Variants in RB1CC1 observed in about 807,000 individuals in gnomAD.
The protein encoded by RB1CC1 is RB1-inducible coiled-coil protein 1.
RB1CC1 carries 46 observed loss-of-function variants against 177.5 expected under a neutral mutation model. The ratio of observed to expected loss-of-function variants is 0.26; its 90% CI spans 0.20 to 0.33. RB1CC1 has a LOEUF of 0.33. Ranked by LOEUF, RB1CC1 falls within the 10% of genes least tolerant of loss-of-function variation. RB1CC1 has a pLI of 1.00. For synonymous variants in RB1CC1, 666 were observed against 613.6 expected (o/e 1.09, Z -1.26); for missense variants, 1,703 against 1,816.3 (o/e 0.94, Z 1.13).
intron 8 of RB1CC1, among the ~76,000 whole-genome samples, chr8:52,665,533 A>C (rs572183033): frequency 6.6e-6 from 1 of 152,362 alleles, no homozygotes; most frequent in African/African-American, 2.4e-5. Context: ...ATATGGAAAA[A>C]CTGAAACAAA....
intron 1 of RB1CC1, among the ~76,000 whole-genome samples, chr8:52,711,828 T>C (rs951428509): frequency 6.6e-5 from 10 of 152,228 alleles, no homozygotes; most frequent in African/African-American, 1.9e-4. Flanking sequence ...TTTTTCTTGG[T>C]ATATGCCATG....
intron 1 of RB1CC1, among the ~76,000 whole-genome samples, chr8:52,692,678 T>C (rs1854993153): frequency 2.0e-5 from 3 of 152,156 alleles, no homozygotes; most frequent in Admixed American, 1.3e-4. Flanking sequence ...TAAGACTACA[T>C]GTAGTAAGCA....
chr8:52,640,650 T>C (rs932007717), intron 18 of RB1CC1, among the ~76,000 whole-genome samples: 4 of 152,208 alleles, frequency 2.6e-5, no homozygotes, highest in Non-Finnish European at 4.4e-5. Context: ...AAGTTGGATA[T>C]ATTTTTTTAA....
intron 1 of RB1CC1, among the ~76,000 whole-genome samples, chr8:52,710,904 T>C (rs1857008917): frequency 6.6e-6 from 1 of 152,160 alleles, no homozygotes; most frequent in South Asian, 2.1e-4. Context: ...TATAATATGG[T>C]ATTGAATTAA....
chr8:52,666,255 G>A (rs959082450), intron 8 of RB1CC1, among the ~76,000 whole-genome samples: 6 of 152,006 alleles, frequency 3.9e-5, no homozygotes, highest in South Asian at 4.1e-4. Context: ...GCTGGGCGCC[G>A]TGGCTCACAC....
In RB1CC1 at chr8:52,657,457, T is replaced by C; in HGVS notation, c.2372A>G (p.His791Arg). 1 of 1,613,758 alleles carries C rather than the reference T, an allele frequency of 6.2e-7. No homozygotes were observed. ...NVCGKEDFGD[H>R]TSLNVQLERC... The stretch of plus-strand genomic sequence containing the variant: ...TTCCAACTGGACATTCAGAGAAGTA[T>C]GATCTCCAAAATCCTCCTTACCACA... The change falls in exon 15 of 24, where the codon CAT becomes CGT. Residue 791 changes from histidine to arginine, a missense_variant. This residue lies in a region of RB1CC1 where 1,169 missense variants were observed against 1,184.7 expected (regional missense o/e 0.99). Transcript: ENST00000025008.
At chr8:52,646,968 G>A (rs1036562169) in intron 15 of RB1CC1, among the ~76,000 whole-genome samples, 1 of 152,052 alleles carries the variant, frequency 6.6e-6, no homozygotes, top group East Asian at 1.9e-4. Flanking sequence ...TCAATTTTTA[G>A]GCTTAAATGT....
chr8:52,628,026 A>G lies in RB1CC1; in HGVS notation c.4636+6T>C, dbSNP rs1486255837. ...GTTTATATTTTAGTCATGGAATGACACTTACCACCCTCACCTGGTTTGAGA... is the reference window on the plus strand; with the variant it reads ...GTTTATATTTTAGTCATGGAATGACGCTTACCACCCTCACCTGGTTTGAGA... On this transcript the variant is annotated splice_donor_region_variant and intron_variant, in intron 22 of 23. Coordinates refer to ENST00000025008, the MANE Select transcript of RB1CC1 (RefSeq NM_014781.5). 6.3e-7 allele frequency: 1 copy of G among 1,576,144 alleles called. No homozygotes were observed.
chr8:52,664,844 G>A (rs1419850253), intron 8 of RB1CC1, among the ~76,000 whole-genome samples: 1 of 152,052 alleles, frequency 6.6e-6, no homozygotes, highest in African/African-American at 2.4e-5. Flanking sequence ...TAGACTTGAG[G>A]GCAATATCAG....
In RB1CC1 at chr8:52,683,908, C is replaced by T. The variant is rs1475214777; in HGVS notation, c.177G>A (p.Val59=). 3 of 1,614,120 alleles carry T rather than the reference C, an allele frequency of 1.9e-6. No homozygotes were observed. Among genetic ancestry groups the T allele is most frequent in the Non-Finnish European group, 2.5e-6 (3 of 1,180,034 alleles). Residue 59 remains valine, a synonymous_variant, in exon 4 of 24, where the codon GTG becomes GTA. Coordinates refer to ENST00000025008, the MANE Select transcript of RB1CC1 (RefSeq NM_014781.5). ...GGECMAADRR[V]CTYSAGTDTN... is the part of the protein sequence containing the mutation. ...CTACCGTCCCAGCACTGTAGGTACA[C>T]ACTCTTCGATCTGCAGCCATGCATT... is the stretch of plus-strand genomic sequence containing the variant.
At chr8:52,703,826 C>T (rs143911857) in intron 1 of RB1CC1, among the ~76,000 whole-genome samples, 11 of 152,170 alleles carry the variant, frequency 7.2e-5, no homozygotes, top group Non-Finnish European at 1.2e-4. Context: ...TACCTAGAGA[C>T]AGTAAACAGT....
intron 16 of RB1CC1, among the ~76,000 whole-genome samples, chr8:52,643,717 AAATTTACTTAC>A (rs1214389547): frequency 4.6e-5 from 7 of 151,334 alleles, no homozygotes; most frequent in African/African-American, 1.5e-4. Context: ...AAAAAAAAAA[AAATTTACTTAC>A]AAGATTTTTG....
At position 52,645,765 on chromosome 8, in the gene RB1CC1, C is replaced by T; in HGVS notation, c.3924G>A (p.Glu1308=). The T allele has an allele frequency of 1.2e-6, 2 of 1,611,566 alleles. No individual in the cohort carries two copies. Among genetic ancestry groups the T allele is most frequent in the Non-Finnish European group, 1.7e-6 (2 of 1,179,212 alleles). ...EKAKFLEQLE[E]QEKRKNEEMQ... Reference sequence around the variant, plus strand: ...TTTCTTCATTCTTTCTTTTTTCTTGCTCTTCAAGTTGTTCTAGAAACTTAG... The same window carrying T: ...TTTCTTCATTCTTTCTTTTTTCTTGTTCTTCAAGTTGTTCTAGAAACTTAG... Residue 1308 remains glutamate, a synonymous_variant, in exon 16 of 24, where the codon GAG becomes GAA. Coordinates refer to ENST00000025008, the MANE Select transcript of RB1CC1 (RefSeq NM_014781.5).
intron 15 of RB1CC1, among the ~76,000 whole-genome samples, chr8:52,654,290 A>G (rs1159404608): frequency 6.6e-6 from 1 of 152,206 alleles, no homozygotes; most frequent in Non-Finnish European, 1.5e-5. Context: ...TTATGATCTC[A>G]TATGCACTGC....
At chr8:52,698,026 T>C (rs546635388) in intron 1 of RB1CC1, among the ~76,000 whole-genome samples, 1 of 152,362 alleles carries the variant, frequency 6.6e-6, no homozygotes, top group Admixed American at 6.5e-5. Context: ...TTATTATTCA[T>C]ATTTTAAGAC....
At chr8:52,699,433 G>A (rs1317334532) in intron 1 of RB1CC1, among the ~76,000 whole-genome samples, 1 of 152,056 alleles carries the variant, frequency 6.6e-6, no homozygotes, top group Non-Finnish European at 1.5e-5. Flanking sequence ...ATGACGTGAT[G>A]ATAACTGAAT....
intron 1 of RB1CC1, 80 bp downstream of exon 1, chr8:52,713,995 C>G (rs896777495): frequency 6.7e-6 from 2 of 298,018 alleles, no homozygotes; most frequent in Non-Finnish European, 1.3e-5. Context: ...ACCATGCGAC[C>G]CCGGCCCACC....
intron 8 of RB1CC1, among the ~76,000 whole-genome samples, chr8:52,663,988 G>A (rs922736768): frequency 2.6e-5 from 4 of 152,280 alleles, no homozygotes; most frequent in African/African-American, 9.6e-5. Flanking sequence ...TACAGGATAA[G>A]TACAGCATAC....
At chr8:52,668,257 A>G (rs1055355584) in intron 7 of RB1CC1, 66 bp from the exon 8 acceptor site, 2 of 1,539,780 alleles carry the variant, frequency 1.3e-6, no homozygotes, top group African/African-American at 1.4e-5. Flanking sequence ...ATTTCATGCT[A>G]TTCTGACATA....
Sources: gnomAD v4.1 joint callset for allele counts (sites outside exome capture counted in the v4.1 genomes callset) on GRCh38, gnomAD v4.1.1 for gene constraint, gnomAD v4.1.1 regional missense constraint, MANE v1.5 for transcripts, NCBI Gene and HGNC (gene_info 2026-07-23, HGNC 2026-07-21) for gene names.